The following BCL2 variants were observed in gnomAD, a reference collection of about 807,000 sequenced individuals.
BCL2 encodes the protein BCL2 apoptosis regulator.
A neutral mutation model predicts 14.2 loss-of-function variants in BCL2; 1 was observed. That is an observed-to-expected ratio of 0.07 (90% CI 0.02 to 0.33). The LOEUF (loss-of-function observed/expected upper bound fraction) is 0.33, where lower values mean the gene tolerates loss of function less well. Among genes scored for constraint, BCL2 ranks in the 10% least tolerant of loss-of-function variants. The pLI, the probability that BCL2 is intolerant of heterozygous loss-of-function variation, is 0.99. For missense variants in BCL2, 247 were observed against 305.9 expected, an observed-to-expected ratio of 0.81 and a Z score of 1.44; for synonymous variants, 151 against 137.2, an observed-to-expected ratio of 1.10 and a Z score of -0.70.
intron 2 of BCL2, among the ~76,000 whole-genome samples, chr18:63,204,419 C>T (rs1909778503): frequency 1.3e-5 from 2 of 152,182 alleles, no homozygotes; most frequent in East Asian, 1.9e-4. Flanking sequence ...TTTTGTGGGA[C>T]CCAGTCGCCA....
intron 2 of BCL2, among the ~76,000 whole-genome samples, chr18:63,165,136 A>G (rs1915012394): frequency 6.6e-6 from 1 of 152,232 alleles, no homozygotes; most frequent in Non-Finnish European, 1.5e-5. Context: ...GTTCAAAATT[A>G]TTATTGGGCG....
chr18:63,150,128 C>A (rs561015467), intron 2 of BCL2, among the ~76,000 whole-genome samples: 1 of 152,326 alleles, frequency 6.6e-6, no homozygotes, highest in Non-Finnish European at 1.5e-5. Flanking sequence ...AGTGATCCTC[C>A]TGACTCAGCC....
At chr18:63,308,753 G>GACAC (rs145547473) in intron 2 of BCL2, among the ~76,000 whole-genome samples, 67 of 149,674 alleles carry the variant, frequency 4.5e-4, no homozygotes, top group Admixed American at 2.9e-3. Context: ...GGACATTTCA[G>GACAC]ACACACACAC....
intron 2 of BCL2, among the ~76,000 whole-genome samples, chr18:63,272,940 T>C (rs1254417181): frequency 1.3e-5 from 2 of 151,322 alleles, no homozygotes; most frequent in Non-Finnish European, 3.0e-5. Flanking sequence ...GCTGCTTCTG[T>C]TGTAGATCTC....
At chr18:63,141,175 G>A (rs375422556) in intron 2 of BCL2, among the ~76,000 whole-genome samples, 33 of 152,268 alleles carry the variant, frequency 2.2e-4, no homozygotes, top group East Asian at 2.1e-3. Context: ...GTCTCTCTCC[G>A]CTCTACCATC....
intron 2 of BCL2, among the ~76,000 whole-genome samples, chr18:63,198,940 CTG>C: frequency 9.2e-6 from 1 of 109,110 alleles, no homozygotes; most frequent in East Asian, 2.7e-4. Flanking sequence ...GAGACACACA[CTG>C]ACACAGAGAC....
chr18:63,144,458 A>C (rs1204872158), intron 2 of BCL2, among the ~76,000 whole-genome samples: 1 of 152,068 alleles, frequency 6.6e-6, no homozygotes, highest in East Asian at 1.9e-4. Flanking sequence ...GGACTATATG[A>C]CTGCCAGGCA....
chr18:63,289,796 A>G (rs963209257), intron 2 of BCL2, among the ~76,000 whole-genome samples: 4 of 152,168 alleles, frequency 2.6e-5, no homozygotes, highest in Non-Finnish European at 4.4e-5. Context: ...TGAAAGGCTG[A>G]GGCAGGAGAA....
intron 2 of BCL2, among the ~76,000 whole-genome samples, chr18:63,189,240 G>T (rs1380653017): frequency 5.3e-5 from 8 of 151,100 alleles, no homozygotes. Context: ...TTTTACACTT[G>T]CTTCTCCCAA....
At chr18:63,316,957 C>A (rs190497798) in intron 2 of BCL2, 1 of 150,796 alleles carries the variant, frequency 6.6e-6, no homozygotes, top group East Asian at 1.9e-4. Flanking sequence ...AAACTTCACA[C>A]AAGAATTACT....
At chr18:63,195,502 C>T (rs2170295) in intron 2 of BCL2, among the ~76,000 whole-genome samples, 3,632 of 152,164 alleles carry the variant, frequency 0.024, 54 homozygotes, top group South Asian at 0.054. Flanking sequence ...CTTGCAAGGT[C>T]CAAAAATCTT....
chr18:63,130,321 C>A (rs1046306421), intron 2 of BCL2, among the ~76,000 whole-genome samples: 1 of 152,116 alleles, frequency 6.6e-6, no homozygotes, highest in African/African-American at 2.4e-5. Flanking sequence ...ATACCATGAC[C>A]CTGGACATCG....
chr18:63,318,577 C>T lies in BCL2; in HGVS notation c.90G>A (p.Trp30Ter), dbSNP rs754418219. Residue 30 changes from tryptophan (W) to a stop codon, truncating the protein, a stop_gained, in exon 2 of 3, where the codon TGG becomes TGA. Transcript: ENST00000333681. LOFTEE classifies it high-confidence loss of function. The surrounding 1 kb of genome is among the most constrained non-coding windows in gnomAD (Gnocchi z 7.4). ...HYKLSQRGYE[W>*]DAGDVGAAPP... is the part of the protein sequence containing the mutation. ...GCGCGGCGCCCACATCTCCCGCATC[C>T]CACTCGTAGCCCCTCTGCGACAGCT... 1 of 1,601,256 alleles carries T rather than the reference C, an allele frequency of 6.2e-7. No homozygotes were observed. The highest frequency in any genetic ancestry group is 8.5e-7 in the Non-Finnish European group (1 of 1,174,702).
chr18:63,123,466 C>T lies in BCL2; in HGVS notation c.*5159G>A. ...AAAGTGCCATTATAGCTAATGGTGG[C>T]CAACTGGAGACTTACTTTACCTTAA... On this transcript the variant is annotated 3_prime_UTR_variant, in exon 3 of 3. Transcript: ENST00000333681. 1 of 202,982 alleles carries T rather than the reference C, an allele frequency of 4.9e-6. No individual in the cohort carries two copies. Among genetic ancestry groups the T allele is most frequent in the Non-Finnish European group, 1.0e-5 (1 of 98,732 alleles). The allele number at this position is 202,982 out of a possible 1,614,324, so 12.6% of individuals were successfully genotyped here.
intron 2 of BCL2, among the ~76,000 whole-genome samples, chr18:63,298,970 C>T (rs2850762): frequency 0.42 from 63,538 of 152,024 alleles, 15,728 homozygotes; most frequent in Non-Finnish European, 0.55. Flanking sequence ...ACTCCAAAAC[C>T]GCCTGGGTTC....
chr18:63,271,658 C>CACCA (rs993558296), intron 2 of BCL2, among the ~76,000 whole-genome samples: 113 of 152,314 alleles, frequency 7.4e-4, no homozygotes, highest in African/African-American at 2.6e-3. Flanking sequence ...CAAAGCCACA[C>CACCA]ACCAACCAAC....
chr18:63,311,926 C>T (rs977538280), intron 2 of BCL2, among the ~76,000 whole-genome samples: 1 of 152,336 alleles, frequency 6.6e-6, no homozygotes, highest in Middle Eastern at 3.4e-3. Flanking sequence ...GTTAGTCAAA[C>T]ATTTATTGAA....
chr18:63,281,475 G>A (rs1912305760), intron 2 of BCL2, among the ~76,000 whole-genome samples: 1 of 151,932 alleles, frequency 6.6e-6, no homozygotes, highest in South Asian at 2.1e-4. Flanking sequence ...GACCAGCCTG[G>A]GTAACACAGT....
chr18:63,233,260 C>T (rs531099101), intron 2 of BCL2, among the ~76,000 whole-genome samples: 7 of 152,142 alleles, frequency 4.6e-5, no homozygotes, highest in Non-Finnish European at 1.0e-4. Flanking sequence ...CAGTTTATAA[C>T]AATATAACAG....
Sources: gnomAD v4.1 joint callset for allele counts (sites outside exome capture counted in the v4.1 genomes callset) on GRCh38, gnomAD v4.1.1 for gene constraint, Gnocchi (gnomAD v3.1) non-coding constraint, MANE v1.5 for transcripts, NCBI Gene and HGNC (gene_info 2026-07-23, HGNC 2026-07-21) for gene names.